Variants in WDPCP observed in about 807,000 individuals in gnomAD.
The protein encoded by WDPCP is WD repeat containing planar cell polarity effector.
A neutral mutation model predicts 93.1 loss-of-function variants in WDPCP; 71 were observed. That is an observed-to-expected ratio of 0.76 (90% CI 0.63 to 0.93). The LOEUF is 0.93. Among genes scored for constraint, WDPCP ranks in the 40% least tolerant of loss-of-function variants. WDPCP has a pLI of 0.00. For synonymous variants in WDPCP, 315 were observed against 315.0 expected, an observed-to-expected ratio of 1.00 and a Z score of 0.00; for missense variants, 844 against 887.4, an observed-to-expected ratio of 0.95 and a Z score of 0.62.
chr2:63,346,143 A>AT (rs1445888817), intron 12 of WDPCP, among the ~76,000 whole-genome samples: 5 of 152,166 alleles, frequency 3.3e-5, no homozygotes, highest in African/African-American at 1.2e-4. Context: ...AGCCCAAGAG[A>AT]TGGAGCTAAT....
At chr2:63,238,147 A>ATAAC (rs1419499392) in intron 14 of WDPCP, among the ~76,000 whole-genome samples, 1 of 152,164 alleles carries the variant, frequency 6.6e-6, no homozygotes, top group Non-Finnish European at 1.5e-5. Context: ...ACAGCTATTA[A>ATAAC]TAACTATTAG....
At chr2:63,775,654 T>G (rs1670292206) in intron 2 of WDPCP, among the ~76,000 whole-genome samples, 1 of 152,218 alleles carries the variant, frequency 6.6e-6, no homozygotes, top group South Asian at 2.1e-4. Context: ...TATGCTATCC[T>G]GGATCCTTAT....
chr2:63,708,777 A>AT (rs1232500294), intron 2 of WDPCP, among the ~76,000 whole-genome samples: 2 of 151,978 alleles, frequency 1.3e-5, no homozygotes, highest in Middle Eastern at 3.4e-3. Context: ...CTCCTGGCTA[A>AT]TTTTTTGTAT....
chr2:63,222,726 G>T (rs1268641263), intron 14 of WDPCP, among the ~76,000 whole-genome samples: 1 of 152,148 alleles, frequency 6.6e-6, no homozygotes, highest in Non-Finnish European at 1.5e-5. Flanking sequence ...GTGATTTTGT[G>T]TACAGGTATA....
At chr2:63,589,044 A>G (rs1054120239), upstream of WDPCP, 4 of 1,614,254 alleles carry the variant, frequency 2.5e-6, no homozygotes, top group Non-Finnish European at 3.4e-6. Flanking sequence ...GTTTTCAATC[A>G]TGGTGAGTGT....
intron 1 of WDPCP, among the ~76,000 whole-genome samples, chr2:63,500,454 G>GGGGTGTGTGTGTGTGT (rs1553412905): frequency 2.7e-5 from 4 of 149,474 alleles, no homozygotes; most frequent in African/African-American, 9.9e-5. Context: ...ATGGTGTGGG[G>GGGGTGTGTGTGTGTGT]GTGTGTGTGT....
At chr2:63,580,697 G>A (rs1708438663) in intron 1 of WDPCP, among the ~76,000 whole-genome samples, 2 of 152,158 alleles carry the variant, frequency 1.3e-5, no homozygotes, top group South Asian at 4.1e-4. Flanking sequence ...TAAATTAAAT[G>A]CACAATCCTG....
upstream of WDPCP, chr2:63,588,559 T>C: frequency 1.8e-6 from 1 of 563,994 alleles, no homozygotes; most frequent in Non-Finnish European, 3.2e-6. Context: ...CAGCGGAAGG[T>C]CTCTTTACCT....
At chr2:63,241,110 G>A (rs1392771189) in intron 14 of WDPCP, among the ~76,000 whole-genome samples, 1 of 152,166 alleles carries the variant, frequency 6.6e-6, no homozygotes, top group Non-Finnish European at 1.5e-5. Context: ...AAGGAACAAA[G>A]GTTTGATAAT....
At chr2:63,783,876 T>C (rs1273680249) in intron 2 of WDPCP, among the ~76,000 whole-genome samples, 1 of 152,152 alleles carries the variant, frequency 6.6e-6, no homozygotes. Flanking sequence ...CTATGCAATA[T>C]ATCTATGAAA....
At chr2:63,615,151 G>C (rs1709659291) in intron 3 of WDPCP, among the ~76,000 whole-genome samples, 1 of 152,190 alleles carries the variant, frequency 6.6e-6, no homozygotes, top group African/African-American at 2.4e-5. Context: ...AGAGCAGCCT[G>C]GAAGATCAGG....
chr2:63,802,752 T>C (rs578135629), intron 2 of WDPCP, among the ~76,000 whole-genome samples: 1 of 152,104 alleles, frequency 6.6e-6, no homozygotes, highest in Non-Finnish European at 1.5e-5. Flanking sequence ...AAAAGACACA[T>C]AGAGATGTAT....
chr2:63,595,850 C>G (rs143784894), intron 3 of WDPCP, among the ~76,000 whole-genome samples: 117 of 152,244 alleles, frequency 7.7e-4, no homozygotes, highest in Non-Finnish European at 7.5e-4. Flanking sequence ...TAGGAATTGT[C>G]TACATTGTGT....
chr2:63,130,131 T>C (rs1373160414), intron 17 of WDPCP, among the ~76,000 whole-genome samples: 3 of 152,102 alleles, frequency 2.0e-5, no homozygotes, highest in Non-Finnish European at 4.4e-5. Context: ...AGTTTATCTG[T>C]TTTTTTGTTG....
intron 12 of WDPCP, among the ~76,000 whole-genome samples, chr2:63,322,573 T>C (rs1238219653): frequency 6.6e-6 from 1 of 151,688 alleles, no homozygotes; most frequent in Non-Finnish European, 1.5e-5. Context: ...ACTGCGAAGG[T>C]CTGCGGCTTC....
chr2:63,542,023 G>T (rs551523995), intron 1 of WDPCP, among the ~76,000 whole-genome samples: 5 of 152,004 alleles, frequency 3.3e-5, no homozygotes, highest in Non-Finnish European at 7.4e-5. Context: ...CTCTCTATCA[G>T]TTCTCTATAT....
intron 14 of WDPCP, among the ~76,000 whole-genome samples, chr2:63,240,083 A>G (rs1473810741): frequency 6.6e-6 from 1 of 152,158 alleles, no homozygotes; most frequent in African/African-American, 2.4e-5. Flanking sequence ...TTTATAATAG[A>G]GCAAACTGAG....
chr2:63,752,799 T>C (rs547872382), intron 2 of WDPCP, among the ~76,000 whole-genome samples: 4 of 152,232 alleles, frequency 2.6e-5, no homozygotes, highest in African/African-American at 9.6e-5. Context: ...TTCAAGCAAC[T>C]CTCCTGTCTC....
intron 17 of WDPCP, among the ~76,000 whole-genome samples, chr2:63,128,649 T>G (rs929129631): frequency 2.6e-5 from 4 of 152,218 alleles, no homozygotes; most frequent in African/African-American, 9.7e-5. Flanking sequence ...CATTTCATAC[T>G]TCCTTAAGCC....
Sources: gnomAD v4.1 joint callset for allele counts (sites outside exome capture counted in the v4.1 genomes callset) on GRCh38, gnomAD v4.1.1 for gene constraint, MANE v1.5 for transcripts, NCBI Gene and HGNC (gene_info 2026-07-23, HGNC 2026-07-21) for gene names.